Variants in INPP4A observed in about 807,000 individuals in gnomAD.
INPP4A encodes inositol polyphosphate-4-phosphatase, type I, 107kD.
Under a neutral mutation model 119.8 loss-of-function variants are expected in INPP4A, and 33 were observed. The ratio of observed to expected loss-of-function variants is 0.28; its 90% CI spans 0.21 to 0.37. INPP4A has a LOEUF of 0.37. Among genes scored for constraint, INPP4A ranks in the 10% least tolerant of loss-of-function variants. The pLI is 1.00. For synonymous variants in INPP4A, 496 were observed against 500.7 expected, an observed-to-expected ratio of 0.99 and a Z score of 0.12; for missense variants, 956 against 1,289.9, an observed-to-expected ratio of 0.74 and a Z score of 3.97.
At chr2:98,509,827 C>T (rs1306201797) in intron 1 of INPP4A, among the ~76,000 whole-genome samples, 5 of 152,198 alleles carry the variant, frequency 3.3e-5, no homozygotes, top group African/African-American at 1.2e-4. Flanking sequence ...ATCCCCTGAA[C>T]GTTCATGGTA....
At chr2:98,446,676 TTAC>T (rs1253725578) in intron 1 of INPP4A, among the ~76,000 whole-genome samples, 22 of 152,200 alleles carry the variant, frequency 1.4e-4, no homozygotes, top group Admixed American at 1.3e-4. Context: ...CCTGGCCACC[TTAC>T]TCATCATGTA....
rs373039326 is a variant in INPP4A, at chr2:98,520,129, C to T, written c.81C>T (p.Ala27=). The T allele has an allele frequency of 1.0e-5, 16 of 1,561,898 alleles. No homozygotes were observed. The highest frequency in any genetic ancestry group is 1.4e-5 in the African/African-American group (1 of 73,622). ...MQRASTIDVA[A]DMLGLSLAGN... ...GGGCTTCCACCATCGACGTGGCGGC[C>T]GACATGCTGGGCCTCTCTCTGGCAG... The change falls in exon 3 of 25, where the codon GCC becomes GCT. Residue 27 remains alanine (A), a synonymous_variant. Transcript: ENST00000409851.
At chr2:98,527,709 A>G (rs1261619733) in intron 4 of INPP4A, among the ~76,000 whole-genome samples, 3 of 152,224 alleles carry the variant, frequency 2.0e-5, no homozygotes, top group Non-Finnish European at 1.5e-5. Context: ...CAGTATACAC[A>G]CAGGGACTCT....
chr2:98,535,215 A>G (rs1307934477), intron 5 of INPP4A, among the ~76,000 whole-genome samples: 1 of 152,264 alleles, frequency 6.6e-6, no homozygotes, highest in East Asian at 1.9e-4. Context: ...TCCTAAAAAA[A>G]GGATAGCTTT....
At position 98,581,726 on chromosome 2, in the gene INPP4A, A is replaced by G. The variant is rs557625185; in HGVS notation, c.2786+4583A>G. On this transcript the variant is annotated intron_variant, in intron 24 of 24. Transcript: ENST00000409851. ...TTGTGTGGCTCTTTCTGAGCATAGC[A>G]TACCTGGTGACCAAATTGCGTTGCA... 17 of 1,611,750 alleles carry G rather than the reference A, an allele frequency of 1.1e-5. No individual in the cohort carries two copies. The East Asian group carries it at 1.8e-4, about 17-fold the overall frequency.
Position 98,552,790 on chromosome 2 carries a change from T to C in INPP4A, c.1168T>C (p.Ser390Pro). ...HKFEETKKHT[S>P]SGCQSIIYIP... The stretch of plus-strand genomic sequence containing the variant: ...ATCCATTCTTATCCTTTCCAGTACA[T>C]CATCTGGCTGCCAGTCCATAATCTA... Residue 390 changes from serine (S) to proline (P), a missense_variant, in exon 14 of 25, where the codon TCA (serine) becomes CCA (proline). Transcript: ENST00000409851. The C allele has an allele frequency of 6.2e-7, 1 of 1,611,464 alleles. No individual in the cohort carries two copies.
chr2:98,564,543 A>C, intron 18 of INPP4A, 97 bp from the exon 19 acceptor site: 1 of 1,449,284 alleles, frequency 6.9e-7, no homozygotes, highest in South Asian at 1.2e-5. Flanking sequence ...GAGCAGTGGC[A>C]GCAGAGGAAG....
intron 1 of INPP4A, among the ~76,000 whole-genome samples, chr2:98,489,545 G>A (rs945559848): frequency 2.0e-5 from 3 of 152,102 alleles, no homozygotes; most frequent in Non-Finnish European, 2.9e-5. Context: ...TTTACACACC[G>A]TCTGTCGATA....
In INPP4A at chr2:98,503,596, C is replaced by CATTA. The variant is rs374855631; in HGVS notation, c.-165-15366_-165-15363dup. Among the ~76,000 whole-genome samples, 479 of 152,368 alleles carry CATTA rather than the reference C, an allele frequency of 3.1e-3. 3 individuals carry two copies. Among genetic ancestry groups the CATTA allele is most frequent in the African/African-American group, 0.011 (454 of 41,584 alleles). On this transcript the variant is annotated intron_variant, in intron 1 of 24. Transcript: ENST00000409851. ...GTGTTATCTGAATGTTTTACTCCAT[C>CATTA]ATTAAACTGTTGGATTCTTGCAGGC...
chr2:98,460,107 G>A (rs1404251584), intron 1 of INPP4A, among the ~76,000 whole-genome samples: 1 of 151,506 alleles, frequency 6.6e-6, no homozygotes, highest in Non-Finnish European at 1.5e-5. Flanking sequence ...CATCGTGTGT[G>A]TGTGTGTGTG....
chr2:98,497,442 C>A (rs914511522), intron 1 of INPP4A, among the ~76,000 whole-genome samples: 1 of 152,246 alleles, frequency 6.6e-6, no homozygotes, highest in Admixed American at 6.5e-5. Context: ...AGTAGCTCTA[C>A]TGATGGCTTT....
At chr2:98,549,974 G>A (rs1319205778) in intron 13 of INPP4A, among the ~76,000 whole-genome samples, 6 of 152,060 alleles carry the variant, frequency 3.9e-5, no homozygotes, top group South Asian at 2.1e-4. Flanking sequence ...TTCCCATAAC[G>A]GGACAAGTAA....
At chr2:98,489,668 T>C (rs927180575) in intron 1 of INPP4A, among the ~76,000 whole-genome samples, 1 of 152,190 alleles carries the variant, frequency 6.6e-6, no homozygotes, top group Non-Finnish European at 1.5e-5. Flanking sequence ...AATTTGGCCT[T>C]AATGCTTCCT....
In INPP4A at chr2:98,566,316, C is replaced by T; in HGVS notation, c.2420+147C>T. The T allele has an allele frequency of 1.1e-6, 1 of 912,392 alleles. No individual in the cohort carries two copies. 56.5% of individuals were successfully genotyped at this position (912,392 alleles called of 1,614,324 possible). ...CCAACATTTTCATCATGGCCGTGCACCTCACTGTCTTTGGTGCTAGGGACA... is the reference window on the plus strand; with the variant it reads ...CCAACATTTTCATCATGGCCGTGCATCTCACTGTCTTTGGTGCTAGGGACA... On this transcript the variant is annotated intron_variant, in intron 21 of 24. Transcript: ENST00000409851. The surrounding 1 kb of genome is among the most constrained non-coding windows in gnomAD (Gnocchi z 4.2).
At chr2:98,535,685 A>G (rs1244362124) in intron 5 of INPP4A, 44 bp from the exon 6 acceptor site, 3 of 884,636 alleles carry the variant, frequency 3.4e-6, no homozygotes, top group East Asian at 2.7e-5. Context: ...ATTACATTTT[A>G]AAAATCCAAC....
At chr2:98,520,423 A>G (rs1261870158) in intron 3 of INPP4A, among the ~76,000 whole-genome samples, 7 of 152,148 alleles carry the variant, frequency 4.6e-5, no homozygotes, top group Admixed American at 1.3e-4. Flanking sequence ...GGAATGTCCA[A>G]GTGTTTTGCT....
intron 5 of INPP4A, among the ~76,000 whole-genome samples, chr2:98,534,818 A>G (rs1341974991): frequency 6.6e-6 from 1 of 152,216 alleles, no homozygotes; most frequent in Non-Finnish European, 1.5e-5. Context: ...GTGGAAAGAA[A>G]GGAGCGTATG....
intron 1 of INPP4A, among the ~76,000 whole-genome samples, chr2:98,490,205 T>A (rs1259198982): frequency 6.6e-6 from 1 of 151,884 alleles, no homozygotes; most frequent in Non-Finnish European, 1.5e-5. Context: ...GTGCCATTGC[T>A]GAGATGGAGA....
intron 16 of INPP4A, chr2:98,556,192 T>C (rs1362993803): frequency 5.0e-6 from 1 of 199,240 alleles, no homozygotes. Flanking sequence ...ATTGGTAGAA[T>C]GAAAGGGGAA....
Sources: gnomAD v4.1 joint callset for allele counts (sites outside exome capture counted in the v4.1 genomes callset) on GRCh38, gnomAD v4.1.1 for gene constraint, Gnocchi (gnomAD v3.1) non-coding constraint, MANE v1.5 for transcripts, NCBI Gene and HGNC (gene_info 2026-07-23, HGNC 2026-07-21) for gene names.